GEMIN7: variants seen among roughly 807,000 people sequenced by gnomAD.
GEMIN7 encodes gem-associated protein 7.
A neutral mutation model predicts 7.8 loss-of-function variants in GEMIN7; 7 were observed. The observed-to-expected ratio is 0.90, with a 90% CI of 0.51 to 1.69. The LOEUF (loss-of-function observed/expected upper bound fraction) is 1.69. Ranked by LOEUF, GEMIN7 falls within the 40% of genes most tolerant of loss-of-function variation. The pLI, the probability that GEMIN7 is intolerant of heterozygous loss-of-function variation, is 0.00. For missense variants in GEMIN7, 159 were observed against 176.2 expected, an observed-to-expected ratio of 0.90 and a Z score of 0.55; for synonymous variants, 68 against 72.4, an observed-to-expected ratio of 0.94 and a Z score of 0.31.
upstream of GEMIN7, chr19:45,076,284 G>A: frequency 6.8e-7 from 1 of 1,480,174 alleles, no homozygotes; most frequent in African/African-American, 1.5e-5. The surrounding 1 kb of genome is among the most constrained non-coding windows in gnomAD (Gnocchi z 4.9). Context: ...GTTCGATGAC[G>A]AGGTCCTGCA....
intron 2 of GEMIN7, among the ~76,000 whole-genome samples, chr19:45,087,667 C>T (rs888109889): frequency 1.8e-4 from 28 of 152,252 alleles, no homozygotes; most frequent in Middle Eastern, 3.4e-3. Flanking sequence ...AAGCGTGGTA[C>T]ACCACGAGGG....
chr19:45,081,729 C>T (rs548997257), intron 2 of GEMIN7, among the ~76,000 whole-genome samples: 58 of 152,014 alleles, frequency 3.8e-4, no homozygotes, highest in Non-Finnish European at 6.9e-4. Flanking sequence ...CGGGTTCAAG[C>T]GATTCTTCTG....
In GEMIN7 at chr19:45,083,987, GA is replaced by G. The variant is rs1360515608; in HGVS notation, c.-9+3959del. On this transcript the variant is annotated intron_variant, in intron 2 of 2. Coordinates refer to ENST00000270257, the MANE Select transcript of GEMIN7 (RefSeq NM_024707.3). ...GCACTTTGGGAGGCCAAGGCGGGTG[GA>G]TCACCTGAGGTAAGGAGTTCAAGAC... is the stretch of plus-strand genomic sequence containing the variant. Among the ~76,000 whole-genome samples, 5 of 151,936 alleles carry G rather than the reference GA, an allele frequency of 3.3e-5. No homozygotes were observed. The East Asian group carries it at 9.7e-4, about 30-fold the overall frequency.
At chr19:45,085,745 G>C (rs915632813) in intron 2 of GEMIN7, 6 of 151,900 alleles carry the variant, frequency 3.9e-5, no homozygotes, top group African/African-American at 1.5e-4. Flanking sequence ...TCAGGAGTTC[G>C]AGACCAGCCT....
upstream of GEMIN7, chr19:45,076,730 C>T (rs1246262657): frequency 9.2e-6 from 2 of 217,602 alleles, no homozygotes; most frequent in East Asian, 1.0e-4. This position sits in a 1 kb window ranked among gnomAD's most constrained non-coding sequence, Gnocchi z 4.9. Flanking sequence ...TGCCCACACG[C>T]ACCCCCAAGC....
chr19:45,090,283 C>T lies in GEMIN7; in HGVS notation c.169C>T (p.Arg57Trp), dbSNP rs771062286. The T allele has an allele frequency of 4.3e-6, 7 of 1,614,054 alleles. No individual in the cohort carries two copies. The highest frequency in any genetic ancestry group is 5.9e-6 in the Non-Finnish European group (7 of 1,180,032). The change falls in exon 3 of 3, where the codon CGG becomes TGG. Residue 57 changes from arginine (R) to tryptophan (W), a missense_variant. Coordinates refer to ENST00000270257, the MANE Select transcript of GEMIN7 (RefSeq NM_024707.3). The part of the protein sequence containing the change: ...AQESLESQEQ[R>W]ARAALRERYL... ...AGAATCCCTGGAATCCCAGGAGCAG[C>T]GGGCACGAGCCGCCCTTCGGGAGCG...
At chr19:45,084,963 G>T (rs542421574) in intron 2 of GEMIN7, among the ~76,000 whole-genome samples, 1 of 152,316 alleles carries the variant, frequency 6.6e-6, no homozygotes, top group East Asian at 1.9e-4. Flanking sequence ...AGTAGAGGCA[G>T]GGTCTCTCCA....
chr19:45,086,322 C>A (rs912389974), intron 2 of GEMIN7, among the ~76,000 whole-genome samples: 1 of 152,012 alleles, frequency 6.6e-6, no homozygotes, highest in Non-Finnish European at 1.5e-5. Context: ...TGCCTGGCCC[C>A]AGGGTCTTGG....
chr19:45,086,907 C>T (rs1330566731), intron 2 of GEMIN7, among the ~76,000 whole-genome samples: 5 of 152,132 alleles, frequency 3.3e-5, no homozygotes, highest in African/African-American at 9.7e-5. Flanking sequence ...AGTGCAGTGG[C>T]GAGATCTCCG....
chr19:45,090,036 C>A, intron 2 of GEMIN7, 71 bp from the exon 3 acceptor site: 1 of 1,479,360 alleles, frequency 6.8e-7, no homozygotes, highest in Non-Finnish European at 9.2e-7. Flanking sequence ...CCTCTGCTTC[C>A]ACTCCTCCCT....
chr19:45,077,408 C>T (rs1967376704), upstream of GEMIN7, among the ~76,000 whole-genome samples: 1 of 152,160 alleles, frequency 6.6e-6, no homozygotes, highest in Non-Finnish European at 1.5e-5. Context: ...GTTCTGTCTG[C>T]TCACTGTTTG....
intron 2 of GEMIN7, among the ~76,000 whole-genome samples, chr19:45,086,845 TTTTG>T (rs141012049): frequency 1.2e-4 from 18 of 151,708 alleles, no homozygotes; most frequent in Admixed American, 5.9e-4. Flanking sequence ...TCATTTTGTT[TTTTG>T]TTTGTTTGTT....
upstream of GEMIN7, chr19:45,075,718 C>T: frequency 6.2e-7 from 1 of 1,613,906 alleles, no homozygotes. Flanking sequence ...CTCACCTGAG[C>T]CCTGGCCGCG....
At position 45,090,675 on chromosome 19, in the gene GEMIN7, G is replaced by C. The variant is rs986276963; in HGVS notation, c.*165G>C. On this transcript the variant is annotated 3_prime_UTR_variant, in exon 3 of 3. Coordinates refer to ENST00000270257, the MANE Select transcript of GEMIN7 (RefSeq NM_024707.3). The stretch of plus-strand genomic sequence containing the variant: ...TCCTGAGACCTCCTGGGTCTAGTCA[G>C]TAAAATTCTGCAACTCTAGGAATTC... 12 of 624,178 alleles carry C rather than the reference G, an allele frequency of 1.9e-5. No individual in the cohort carries two copies. The African/African-American group carries it at 2.2e-4, about 12-fold the overall frequency. 38.7% of individuals were successfully genotyped at this position (624,178 alleles called of 1,614,324 possible). A position where few individuals can be genotyped will look rare whatever the true frequency, so the allele number is the denominator to read the frequency against.
At position 45,090,240 on chromosome 19, in the gene GEMIN7, G is replaced by A; in HGVS notation, c.126G>A (p.Gln42=). Residue 42 remains glutamine (Q), a synonymous_variant, in exon 3 of 3, where the codon CAG becomes CAA. Coordinates refer to ENST00000270257, the MANE Select transcript of GEMIN7 (RefSeq NM_024707.3). ...TGAGGCCAGAGGTTCCTGAAATCCA[G>A]GAGTGTCCCATAGCTCAAGAATCCC... The part of the protein sequence containing the change: ...APLRPEVPEI[Q]ECPIAQESLE... 1 of 1,614,100 alleles carries A rather than the reference G, an allele frequency of 6.2e-7. No homozygotes were observed. Among genetic ancestry groups the A allele is most frequent in the Non-Finnish European group, 8.5e-7 (1 of 1,180,056 alleles).
chr19:45,090,291 A>T lies in GEMIN7; in HGVS notation c.177A>T (p.Arg59=), dbSNP rs1227368706. Residue 59 remains arginine, a synonymous_variant, in exon 3 of 3, where the codon CGA becomes CGT. Transcript: ENST00000270257. ...TGGAATCCCAGGAGCAGCGGGCACG[A>T]GCCGCCCTTCGGGAGCGTTACCTCC... ...ESLESQEQRA[R]AALRERYLRS... is the part of the protein sequence containing the mutation. The T allele has an allele frequency of 1.2e-6, 2 of 1,614,134 alleles. No individual in the cohort carries two copies. The highest frequency in any genetic ancestry group is 2.7e-5 in the African/African-American group (2 of 75,050).
upstream of GEMIN7, chr19:45,075,746 G>A (rs1456090522): frequency 1.6e-5 from 26 of 1,614,026 alleles, no homozygotes; most frequent in Non-Finnish European, 2.2e-5. Flanking sequence ...CCTCTGAAGA[G>A]CTGACAGCCC....
chr19:45,076,086 C>G (rs778388877), upstream of GEMIN7: 12 of 1,580,328 alleles, frequency 7.6e-6, no homozygotes, highest in Non-Finnish European at 9.4e-6. The surrounding 1 kb of genome is among the most constrained non-coding windows in gnomAD (Gnocchi z 4.9). Context: ...CGGGATAGTT[C>G]GGGGTCAACG....
intron 2 of GEMIN7, among the ~76,000 whole-genome samples, chr19:45,083,218 G>A (rs925202037): frequency 6.6e-6 from 1 of 152,210 alleles, no homozygotes; most frequent in East Asian, 1.9e-4. Context: ...AGCTGAACTG[G>A]GGGTGGGTCA....
Sources: allele counts gnomAD v4.1 joint callset (sites outside exome capture counted in the v4.1 genomes callset), GRCh38; gene constraint gnomAD v4.1.1; non-coding constraint Gnocchi (gnomAD v3.1); transcripts MANE v1.5; gene names NCBI Gene and HGNC (gene_info 2026-07-23, HGNC 2026-07-21).